Variants in SERGEF observed in about 807,000 individuals in gnomAD.
SERGEF encodes the protein secretion regulating guanine nucleotide exchange factor.
A neutral mutation model predicts 50.0 loss-of-function variants in SERGEF; 51 were observed. That is an observed-to-expected ratio of 1.02 (90% CI 0.81 to 1.29). SERGEF has a LOEUF of 1.29. SERGEF is among the 50% of genes most tolerant of loss of function. The pLI is 0.00. For missense variants in SERGEF, 521 were observed against 557.0 expected, an observed-to-expected ratio of 0.94 and a Z score of 0.65; for synonymous variants, 205 against 212.4, an observed-to-expected ratio of 0.97 and a Z score of 0.30.
chr11:17,795,644 G>A (rs562470642), intron 10 of SERGEF, among the ~76,000 whole-genome samples: 13 of 152,256 alleles, frequency 8.5e-5, no homozygotes, highest in Admixed American at 2.6e-4. Flanking sequence ...TCGGCTCCCC[G>A]AATTCACCCA....
chr11:17,965,870 T>G (rs144406928), intron 8 of SERGEF, among the ~76,000 whole-genome samples: 280 of 152,352 alleles, frequency 1.8e-3, no homozygotes, highest in African/African-American at 6.6e-3. Flanking sequence ...CAGCTCTAAG[T>G]CTTATCTGCA....
At chr11:17,920,805 A>G (rs970562898) in intron 9 of SERGEF, among the ~76,000 whole-genome samples, 5 of 152,214 alleles carry the variant, frequency 3.3e-5, no homozygotes, top group African/African-American at 1.2e-4. Flanking sequence ...AGACTGAGAA[A>G]CAAGCAATCT....
At chr11:17,974,888 G>T (rs1853335575) in intron 8 of SERGEF, among the ~76,000 whole-genome samples, 1 of 152,216 alleles carries the variant, frequency 6.6e-6, no homozygotes, top group Non-Finnish European at 1.5e-5. Flanking sequence ...TTATTTGTGG[G>T]CTTAATGGAG....
intron 9 of SERGEF, among the ~76,000 whole-genome samples, chr11:17,928,214 C>T (rs1852286057): frequency 6.6e-6 from 1 of 152,208 alleles, no homozygotes; most frequent in Non-Finnish European, 1.5e-5. Flanking sequence ...CACAGCATTT[C>T]TCCCGGCCTC....
At chr11:17,823,545 G>A (rs1029778182) in intron 10 of SERGEF, among the ~76,000 whole-genome samples, 1 of 152,104 alleles carries the variant, frequency 6.6e-6, no homozygotes, top group Non-Finnish European at 1.5e-5. Context: ...GTAAGTGCAG[G>A]CATATCTGGG....
At chr11:17,914,260 T>C (rs1267728405) in intron 9 of SERGEF, among the ~76,000 whole-genome samples, 1 of 152,220 alleles carries the variant, frequency 6.6e-6, no homozygotes, top group Non-Finnish European at 1.5e-5. Flanking sequence ...GAAGTTTTCC[T>C]GACTATTCTA....
chr11:17,823,063 G>A (rs529313158), intron 10 of SERGEF, among the ~76,000 whole-genome samples: 10 of 152,224 alleles, frequency 6.6e-5, no homozygotes, highest in African/African-American at 1.4e-4. Context: ...CCAGGATACC[G>A]TATTACATTT....
rs1851392714 is a variant in SERGEF at position 17,884,422 on chromosome 11, T to C, written c.1012-6178A>G. ...CAGGGCGAGGGAATGGGCGTCTCGGTGCCGCCTTTGCTAGAGCTCTGCCCA... is the reference window on the plus strand; with the variant it reads ...CAGGGCGAGGGAATGGGCGTCTCGGCGCCGCCTTTGCTAGAGCTCTGCCCA... On this transcript the variant is annotated intron_variant, in intron 9 of 10. Transcript: ENST00000265965. This position sits in a 1 kb window ranked among gnomAD's most constrained non-coding sequence, Gnocchi z 4.6. Among the ~76,000 whole-genome samples the C allele has an allele frequency of 6.6e-6, 1 of 151,986 alleles. No individual in the cohort carries two copies. Among genetic ancestry groups the C allele is most frequent in the South Asian group, 2.1e-4 (1 of 4,808 alleles).
At chr11:17,923,350 G>C (rs1852191964) in intron 9 of SERGEF, among the ~76,000 whole-genome samples, 1 of 152,208 alleles carries the variant, frequency 6.6e-6, no homozygotes, top group Non-Finnish European at 1.5e-5. Context: ...TGGGGTGAGA[G>C]GGACTCGGTG....
At chr11:18,000,604 C>A (rs915663177) in intron 4 of SERGEF, 47 bp from the exon 5 acceptor site, 3 of 1,379,082 alleles carry the variant, frequency 2.2e-6, no homozygotes, top group African/African-American at 2.9e-5. Flanking sequence ...CATCCATCTA[C>A]AAAATTTTAT....
At chr11:17,999,686 T>C in intron 5 of SERGEF, 2 of 398,568 alleles carry the variant, frequency 5.0e-6, no homozygotes. Flanking sequence ...GTCAGTCCCA[T>C]CACCCACTCA....
chr11:18,004,857 C>A (rs1485268449), intron 3 of SERGEF, among the ~76,000 whole-genome samples: 1 of 152,164 alleles, frequency 6.6e-6, no homozygotes, highest in Non-Finnish European at 1.5e-5. Flanking sequence ...ATTAGTAAAA[C>A]AACACTCCAG....
chr11:17,944,637 G>A (rs1852621697), intron 9 of SERGEF, among the ~76,000 whole-genome samples: 1 of 152,064 alleles, frequency 6.6e-6, no homozygotes, highest in Non-Finnish European at 1.5e-5. Context: ...TTCTGTAGGA[G>A]GACTGGTCTG....
chr11:17,954,205 CCT>C (rs1323549250), intron 9 of SERGEF, among the ~76,000 whole-genome samples: 2 of 152,104 alleles, frequency 1.3e-5, no homozygotes, highest in African/African-American at 2.4e-5. Flanking sequence ...CTGTCAGAGC[CCT>C]CCGGACTCAG....
At chr11:17,998,661 G>A (rs995228289) in intron 5 of SERGEF, among the ~76,000 whole-genome samples, 1 of 151,020 alleles carries the variant, frequency 6.6e-6, no homozygotes, top group Admixed American at 6.6e-5. Context: ...GCAGATAGGG[G>A]CTATGGAATG....
intron 9 of SERGEF, among the ~76,000 whole-genome samples, chr11:17,912,456 A>G (rs546675914): frequency 9.4e-4 from 143 of 152,358 alleles, no homozygotes; most frequent in South Asian, 2.9e-3. Flanking sequence ...ATAAGATTCT[A>G]TCATTGAGGG....
At chr11:17,853,494 G>T (rs1224278805) in intron 10 of SERGEF, 10 of 152,212 alleles carry the variant, frequency 6.6e-5, no homozygotes, top group Admixed American at 6.6e-4. Flanking sequence ...CTGGGGCAGT[G>T]AGCTGCTACA....
intron 8 of SERGEF, among the ~76,000 whole-genome samples, chr11:17,962,900 G>A (rs577071942): frequency 9.1e-4 from 138 of 152,148 alleles, no homozygotes; most frequent in African/African-American, 3.3e-3. Context: ...ATCAAAAGGC[G>A]GCCAGGCACA....
At chr11:17,796,286 C>G (rs1223730359) in intron 10 of SERGEF, among the ~76,000 whole-genome samples, 1 of 152,184 alleles carries the variant, frequency 6.6e-6, no homozygotes, top group Non-Finnish European at 1.5e-5. Context: ...GGATGATGGT[C>G]CTATTGGGCC....
Sources: gnomAD v4.1 joint callset for allele counts (sites outside exome capture counted in the v4.1 genomes callset) on GRCh38, gnomAD v4.1.1 for gene constraint, Gnocchi (gnomAD v3.1) non-coding constraint, MANE v1.5 for transcripts, NCBI Gene and HGNC (gene_info 2026-07-23, HGNC 2026-07-21) for gene names.